Variants in PKNOX2 observed in about 807,000 individuals in gnomAD.
PKNOX2 encodes homeobox protein PKNOX2.
PKNOX2 carries 14 observed loss-of-function variants against 53.1 expected under a neutral mutation model. The observed-to-expected ratio is 0.26, with a 90% CI of 0.17 to 0.41. PKNOX2 has a LOEUF of 0.41. Ranked by LOEUF, PKNOX2 falls within the 10% of genes least tolerant of loss-of-function variation. The probability of loss-of-function intolerance (pLI) is 1.00; values close to 1 mark genes in which losing one functional copy is unlikely to be tolerated. For missense variants in PKNOX2, 496 were observed against 602.8 expected (o/e 0.82, Z 1.85); for synonymous variants, 257 against 242.8 (o/e 1.06, Z -0.54).
At chr11:125,408,759 C>T (rs1299566695) in intron 7 of PKNOX2, among the ~76,000 whole-genome samples, 1 of 152,172 alleles carries the variant, frequency 6.6e-6, no homozygotes, top group African/African-American at 2.4e-5. Context: ...GTCCCCCGGG[C>T]TGTAACACTT....
intron 2 of PKNOX2, among the ~76,000 whole-genome samples, chr11:125,313,122 T>C (rs1476085094): frequency 6.6e-6 from 1 of 151,824 alleles, no homozygotes; most frequent in Non-Finnish European, 1.5e-5. Flanking sequence ...GAACTATCTG[T>C]GTGTCTTTGA....
At chr11:125,407,500 C>G (rs767378817) in intron 7 of PKNOX2, among the ~76,000 whole-genome samples, 55 of 152,292 alleles carry the variant, frequency 3.6e-4, no homozygotes, top group Non-Finnish European at 6.5e-4. Context: ...TCAAATATCC[C>G]TACCAGAAGA....
intron 2 of PKNOX2, among the ~76,000 whole-genome samples, chr11:125,267,630 C>A (rs571316379): frequency 6.6e-6 from 1 of 152,204 alleles, no homozygotes; most frequent in Admixed American, 6.5e-5. Flanking sequence ...CATCTCCCAG[C>A]GCCAGACTGA....
At chr11:125,419,038 G>A (rs1480000533) in intron 10 of PKNOX2, among the ~76,000 whole-genome samples, 3 of 151,904 alleles carry the variant, frequency 2.0e-5, no homozygotes, top group African/African-American at 7.3e-5. Flanking sequence ...CTGTATCTCT[G>A]TCAAAGGCCC....
intron 2 of PKNOX2, among the ~76,000 whole-genome samples, chr11:125,262,397 CCT>C (rs1944929172): frequency 6.6e-6 from 1 of 152,046 alleles, no homozygotes; most frequent in South Asian, 2.1e-4. Context: ...CGCTATCTCA[CCT>C]CTCTGGCTGA....
At chr11:125,260,991 T>A (rs1944803121) in intron 2 of PKNOX2, among the ~76,000 whole-genome samples, 1 of 152,104 alleles carries the variant, frequency 6.6e-6, no homozygotes, top group Non-Finnish European at 1.5e-5. Flanking sequence ...CCTGGGCCCC[T>A]TTTTCCCCAT....
intron 2 of PKNOX2, among the ~76,000 whole-genome samples, chr11:125,261,390 T>C (rs118001764): frequency 6.6e-6 from 1 of 152,318 alleles, no homozygotes; most frequent in East Asian, 1.9e-4. Flanking sequence ...GCCTGCACTT[T>C]GCCTTAAGAA....
chr11:125,375,826 G>A lies in PKNOX2; in HGVS notation c.227+7841G>A, dbSNP rs1027396007. ...TCACTAGCTGCCTAATTTCAGGAAG[G>A]ACACTTGTCTTTTCTCTTTTGTTTA... is the stretch of plus-strand genomic sequence containing the variant. On this transcript the variant is annotated intron_variant, in intron 5 of 12. Coordinates refer to ENST00000298282, the MANE Select transcript of PKNOX2 (RefSeq NM_001382323.2). 1.4e-4 allele frequency among the ~76,000 whole-genome samples: 21 copies of A among 152,178 alleles called. 1 individual carries two copies. The highest frequency in any genetic ancestry group is 5.1e-4 in the African/African-American group (21 of 41,436).
intron 6 of PKNOX2, among the ~76,000 whole-genome samples, chr11:125,393,139 G>A (rs1461819393): frequency 9.2e-5 from 13 of 141,822 alleles, no homozygotes; most frequent in Non-Finnish European, 1.5e-4. Flanking sequence ...CAGCCTGGGC[G>A]ACAGAGCAAG....
At chr11:125,195,603 T>C (rs1189775360) in intron 1 of PKNOX2, among the ~76,000 whole-genome samples, 2 of 149,400 alleles carry the variant, frequency 1.3e-5, no homozygotes, top group African/African-American at 4.9e-5. Context: ...GGAAATCTGG[T>C]TCAGGGGGAA....
At chr11:125,413,176 T>A (rs192501833) in intron 10 of PKNOX2, among the ~76,000 whole-genome samples, 13 of 152,214 alleles carry the variant, frequency 8.5e-5, no homozygotes, top group Admixed American at 8.5e-4. Flanking sequence ...AGTTTCCAGA[T>A]GAGAAAGCTA....
intron 1 of PKNOX2, among the ~76,000 whole-genome samples, chr11:125,216,719 G>A (rs892172476): frequency 1.3e-5 from 2 of 152,132 alleles, no homozygotes; most frequent in South Asian, 2.1e-4. Context: ...CTGCATTTCC[G>A]AAGGTGCTTC....
intron 1 of PKNOX2, among the ~76,000 whole-genome samples, chr11:125,187,513 T>C (rs1380904097): frequency 6.6e-6 from 1 of 152,252 alleles, no homozygotes; most frequent in Non-Finnish European, 1.5e-5. Context: ...ATTGCTGGTA[T>C]ATAGAAACAC....
chr11:125,179,974 C>T (rs1956060577), intron 1 of PKNOX2, among the ~76,000 whole-genome samples: 1 of 152,172 alleles, frequency 6.6e-6, no homozygotes, highest in African/African-American at 2.4e-5. Flanking sequence ...CTCCCCATGG[C>T]TGAATCTCCT....
At chr11:125,315,663 G>A (rs1055614616) in intron 2 of PKNOX2, among the ~76,000 whole-genome samples, 2 of 152,218 alleles carry the variant, frequency 1.3e-5, no homozygotes, top group African/African-American at 4.8e-5. Flanking sequence ...ATCTGAGGGC[G>A]TAGTGACCCG....
chr11:125,174,186 G>C (rs1955530831), intron 1 of PKNOX2, among the ~76,000 whole-genome samples: 1 of 152,164 alleles, frequency 6.6e-6, no homozygotes, highest in African/African-American at 2.4e-5. Context: ...GACGCCCAGA[G>C]AGTCAAGTGT....
At chr11:125,333,012 G>C (rs937074171) in intron 3 of PKNOX2, among the ~76,000 whole-genome samples, 1 of 152,128 alleles carries the variant, frequency 6.6e-6, no homozygotes, top group Non-Finnish European at 1.5e-5. Flanking sequence ...TGAGGGCAAG[G>C]TATCTATGCA....
chr11:125,328,752 C>G (rs1486349604), intron 2 of PKNOX2, among the ~76,000 whole-genome samples: 2 of 152,160 alleles, frequency 1.3e-5, no homozygotes, highest in Admixed American at 1.3e-4. Flanking sequence ...AAGCAGAGAG[C>G]TTGGGAGAAC....
intron 1 of PKNOX2, among the ~76,000 whole-genome samples, chr11:125,227,272 A>G (rs1352461933): frequency 2.6e-5 from 4 of 152,102 alleles, no homozygotes; most frequent in Non-Finnish European, 4.4e-5. Flanking sequence ...TGATGACATT[A>G]AGTATATTCG....
Sources: gnomAD v4.1 joint callset for allele counts (sites outside exome capture counted in the v4.1 genomes callset) on GRCh38, gnomAD v4.1.1 for gene constraint, MANE v1.5 for transcripts, NCBI Gene and HGNC (gene_info 2026-07-23, HGNC 2026-07-21) for gene names.